The following CHST10 variants were observed in gnomAD, a reference collection of about 807,000 sequenced individuals.
CHST10 encodes HNK-1 sulfotransferase.
A neutral mutation model predicts 34.7 loss-of-function variants in CHST10; 24 were observed. The ratio of observed to expected loss-of-function variants is 0.69; its 90% CI spans 0.50 to 0.97. CHST10 has a LOEUF of 0.97. Among genes scored for constraint, CHST10 ranks in the 50% least tolerant of loss-of-function variants. The pLI, the probability that CHST10 is intolerant of heterozygous loss-of-function variation, is 0.00. For missense variants in CHST10, 402 were observed against 452.1 expected (o/e 0.89, Z 1.00); for synonymous variants, 161 against 169.3 (o/e 0.95, Z 0.38).
Position 100,393,797 on chromosome 2 carries a change from G to T in CHST10, c.534-15C>A, listed in dbSNP as rs371549339. ...ATGTTTTCAATCTAAGGAAAAAAAC[G>T]AACAAGAGGTTAACTTGATGCCACA... On this transcript the variant is annotated splice_polypyrimidine_tract_variant and intron_variant, in intron 6 of 6. Coordinates refer to ENST00000264249, the MANE Select transcript of CHST10 (RefSeq NM_004854.5). The T allele has an allele frequency of 6.3e-6, 10 of 1,596,530 alleles. No individual in the cohort carries two copies. The Admixed American group carries it at 1.7e-4, about 27-fold the overall frequency.
chr2:100,417,292 T>G, intron 1 of CHST10, 82 bp downstream of exon 1: 1 of 345,056 alleles, frequency 2.9e-6, no homozygotes, highest in South Asian at 2.2e-5. Flanking sequence ...ACCCGCGGGT[T>G]CCCCGGTTTT....
chr2:100,403,858 G>A (rs1205116247), intron 3 of CHST10, among the ~76,000 whole-genome samples: 2 of 152,170 alleles, frequency 1.3e-5, no homozygotes, highest in African/African-American at 2.4e-5. Context: ...TTATGGCCAC[G>A]AGCTTAGAGG....
intron 2 of CHST10, among the ~76,000 whole-genome samples, chr2:100,407,445 A>C (rs543078572): frequency 5.8e-4 from 89 of 152,214 alleles, no homozygotes; most frequent in Admixed American, 4.4e-3. Context: ...GTTTCATTTC[A>C]CCTTTAACAC....
chr2:100,414,323 G>A (rs1440111961), intron 2 of CHST10, among the ~76,000 whole-genome samples: 1 of 151,912 alleles, frequency 6.6e-6, no homozygotes, highest in East Asian at 1.9e-4. Context: ...CATGTCCAGG[G>A]CTCAACTTTT....
intron 2 of CHST10, chr2:100,407,986 C>T (rs1675655225): frequency 6.6e-6 from 1 of 152,090 alleles, no homozygotes; most frequent in South Asian, 2.1e-4. Flanking sequence ...CCAAATATTG[C>T]ATAAGACATA....
intron 3 of CHST10, 109 bp downstream of exon 3, chr2:100,406,467 T>A: frequency 1.4e-6 from 2 of 1,385,396 alleles, no homozygotes; most frequent in Non-Finnish European, 2.0e-6. Context: ...CCTGCTGGCA[T>A]GAAAGTCCTT....
chr2:100,417,158 A>G, intron 1 of CHST10: 1 of 881,626 alleles, frequency 1.1e-6, no homozygotes, highest in Non-Finnish European at 1.6e-6. Context: ...GGGTCACAGC[A>G]TCCCGCACAA....
At chr2:100,401,208 C>G (rs1055034728) in intron 4 of CHST10, among the ~76,000 whole-genome samples, 1 of 152,144 alleles carries the variant, frequency 6.6e-6, no homozygotes, top group South Asian at 2.1e-4. Flanking sequence ...AGCCCAGGCC[C>G]ACAACTTGCT....
At chr2:100,404,371 C>T (rs1455982301) in intron 3 of CHST10, among the ~76,000 whole-genome samples, 1 of 152,214 alleles carries the variant, frequency 6.6e-6, no homozygotes, top group Non-Finnish European at 1.5e-5. Flanking sequence ...GGGAAAGTGC[C>T]CCCTTTCACT....
At chr2:100,407,318 G>A (rs1420296578) in intron 2 of CHST10, among the ~76,000 whole-genome samples, 3 of 152,190 alleles carry the variant, frequency 2.0e-5, no homozygotes, top group Non-Finnish European at 4.4e-5. Context: ...CACAGCCAGG[G>A]AGCAACACGG....
intron 5 of CHST10, among the ~76,000 whole-genome samples, chr2:100,397,463 G>T (rs1445790622): frequency 6.6e-6 from 1 of 152,158 alleles, no homozygotes; most frequent in Non-Finnish European, 1.5e-5. Context: ...CCCGGGCCAG[G>T]GCTCCCCTCC....
At chr2:100,396,027 T>C (rs529341240) in intron 5 of CHST10, among the ~76,000 whole-genome samples, 3 of 152,332 alleles carry the variant, frequency 2.0e-5, no homozygotes, top group Non-Finnish European at 4.4e-5. Context: ...AGCAGGACTT[T>C]GGAACGTCAT....
At chr2:100,396,831 T>C (rs1022636941) in intron 5 of CHST10, among the ~76,000 whole-genome samples, 1 of 152,266 alleles carries the variant, frequency 6.6e-6, no homozygotes, top group African/African-American at 2.4e-5. Flanking sequence ...TCTTAAAGTA[T>C]GCTGCTTCAC....
Position 100,395,566 on chromosome 2 carries a change from T to C in CHST10, c.476A>G (p.His159Arg). The C allele has an allele frequency of 6.2e-7, 1 of 1,614,112 alleles. No individual in the cohort carries two copies. Among genetic ancestry groups the C allele is most frequent in the Non-Finnish European group, 8.5e-7 (1 of 1,179,938 alleles). Residue 159 changes from histidine to arginine, a missense_variant, in exon 6 of 7, where the codon CAC becomes CGC. His to Arg is a conservative substitution (Grantham distance 29). Coordinates refer to ENST00000264249, the MANE Select transcript of CHST10 (RefSeq NM_004854.5). ...EEIPENVVHD[H>R]EKNGLPRLSS... The stretch of plus-strand genomic sequence containing the variant: ...GAGCCGAGGAAGGCCGTTCTTCTCG[T>C]GGTCGTGCACCACGTTTTCGGGGAT...
chr2:100,406,031 T>A (rs1300627992), intron 3 of CHST10, among the ~76,000 whole-genome samples: 1 of 152,152 alleles, frequency 6.6e-6, no homozygotes, highest in Non-Finnish European at 1.5e-5. Flanking sequence ...TGAGACCCAA[T>A]TTGGCGCTCT....
chr2:100,395,500 TGTTC>T lies in CHST10; in HGVS notation c.533+5_533+8del. 1 of 1,607,510 alleles carries T rather than the reference TGTTC, an allele frequency of 6.2e-7. No individual in the cohort carries two copies. The highest frequency in any genetic ancestry group is 8.5e-7 in the Non-Finnish European group (1 of 1,174,312). ...ACTCCCCCCTCCCCTTTGAGGAAGC[TGTTC>T]TCACCGCTTCTGAATTTCTGCATCA... On this transcript the variant is annotated splice_donor_5th_base_variant and intron_variant, in intron 6 of 6. Coordinates refer to ENST00000264249, the MANE Select transcript of CHST10 (RefSeq NM_004854.5).
rs1259033013 is a variant in CHST10, at chr2:100,393,399, G to A, written c.917C>T (p.Pro306Leu). The A allele has an allele frequency of 2.5e-6, 4 of 1,613,956 alleles. No individual in the cohort carries two copies. Among genetic ancestry groups the A allele is most frequent in the Non-Finnish European group, 3.4e-6 (4 of 1,180,028 alleles). Residue 306 changes from proline (P) to leucine (L), a missense_variant, in exon 7 of 7, where the codon CCG becomes CTG. Coordinates refer to ENST00000264249, the MANE Select transcript of CHST10 (RefSeq NM_004854.5). Reference protein sequence around the residue: ...EAGIDHLVSYPTIPPGITVYN... With the variant: ...EAGIDHLVSYLTIPPGITVYN... Reference sequence around the variant, plus strand: ...CACGGTAATGCCCGGAGGGATAGTCGGGTATGACACCAGGTGGTCAATGCC... The same window carrying A: ...CACGGTAATGCCCGGAGGGATAGTCAGGTATGACACCAGGTGGTCAATGCC...
At position 100,415,110 on chromosome 2, in the gene CHST10, C is replaced by T. The variant is rs1428685348; in HGVS notation, c.-102G>A. ...AACTGAGGTTCTTGGTTCCTCTTGT[C>T]ACTGGATAGGAAAATTAAAAAAAAA... On this transcript the variant is annotated splice_region_variant and 5_prime_UTR_variant, in exon 2 of 7. Coordinates refer to ENST00000264249, the MANE Select transcript of CHST10 (RefSeq NM_004854.5). The T allele has an allele frequency of 6.2e-6, 8 of 1,290,540 alleles. No individual in the cohort carries two copies. The highest frequency in any genetic ancestry group is 8.1e-6 in the Non-Finnish European group (8 of 981,866). 79.9% of individuals were successfully genotyped at this position (1,290,540 alleles called of 1,614,324 possible).
chr2:100,402,761 GC>G (rs1194449304), intron 3 of CHST10, 106 bp from the exon 4 acceptor site: 11 of 942,194 alleles, frequency 1.2e-5, no homozygotes, highest in Non-Finnish European at 1.8e-5. Flanking sequence ...ATGCCCAAAT[GC>G]CTTTTGACAA....
Sources: allele counts gnomAD v4.1 joint callset (sites outside exome capture counted in the v4.1 genomes callset), GRCh38; gene constraint gnomAD v4.1.1; transcripts MANE v1.5; gene names NCBI Gene and HGNC (gene_info 2026-07-23, HGNC 2026-07-21).